PKD1L1: variants seen among roughly 807,000 people sequenced by gnomAD.
PKD1L1 encodes the protein polycystin-1-like protein 1.
A neutral mutation model predicts 323.4 loss-of-function variants in PKD1L1; 236 were observed. That is an observed-to-expected ratio of 0.73 (90% confidence interval 0.66 to 0.81). The LOEUF (loss-of-function observed/expected upper bound fraction) is 0.81. Ranked by LOEUF, PKD1L1 falls within the 40% of genes least tolerant of loss-of-function variation. PKD1L1 has a pLI of 0.00. For missense variants in PKD1L1, 3,320 were observed against 3,508.0 expected, an observed-to-expected ratio of 0.95 and a Z score of 1.35; for synonymous variants, 1,344 against 1,335.0, an observed-to-expected ratio of 1.01 and a Z score of -0.15.
At chr7:47,905,426 G>A in intron 10 of PKD1L1, 101 bp from the exon 11 acceptor site, 2 of 1,297,092 alleles carry the variant, frequency 1.5e-6, no homozygotes, top group Non-Finnish European at 2.1e-6. Context: ...ATGGGCTTGA[G>A]TGATGGTGAG....
intron 7 of PKD1L1, among the ~76,000 whole-genome samples, chr7:47,928,282 C>CG (rs932645189): frequency 5.3e-5 from 8 of 151,992 alleles, no homozygotes; most frequent in Admixed American, 6.6e-5. Flanking sequence ...AACAAAAGGC[C>CG]GGGGGGGAAG....
chr7:47,954,674 G>A, the PKD1L1 span, among the ~76,000 whole-genome samples: 2 of 152,146 alleles, frequency 1.3e-5, no homozygotes, highest in African/African-American at 4.8e-5. Flanking sequence ...GACTAAGACC[G>A]CTTATAAATG....
At chr7:47,834,253 C>T in intron 40 of PKD1L1, 86 bp downstream of exon 40, 2 of 1,377,460 alleles carry the variant, frequency 1.5e-6, no homozygotes, top group Non-Finnish European at 2.0e-6. Flanking sequence ...CATGGCCAGA[C>T]CATAGCCAAG....
chr7:47,839,755 G>A lies in PKD1L1; in HGVS notation c.5553-93C>T. 1.6e-6 allele frequency: 2 copies of A among 1,214,976 alleles called. No homozygotes were observed. The highest frequency in any genetic ancestry group is 2.3e-6 in the Non-Finnish European group (2 of 860,232). 75.3% of individuals were successfully genotyped at this position (1,214,976 alleles called of 1,614,324 possible). A position where few individuals can be genotyped will look rare whatever the true frequency, so the allele number is the denominator to read the frequency against. On this transcript the variant is annotated intron_variant, in intron 35 of 56. Coordinates refer to ENST00000289672, the MANE Select transcript of PKD1L1 (RefSeq NM_138295.5). The surrounding 1 kb of genome is among the most constrained non-coding windows in gnomAD (Gnocchi z 4.3). ...CAATGCTCACCCTCAAGGCACTGAT[G>A]GCCCACAGAGGGTGGATGGGACATG...
chr7:47,879,698 C>T (rs898966945), intron 21 of PKD1L1, among the ~76,000 whole-genome samples: 26 of 145,428 alleles, frequency 1.8e-4, no homozygotes, highest in Non-Finnish European at 3.7e-4. Context: ...CTTTGGGAGG[C>T]TGAGACGGGC....
chr7:47,830,983 G>A (rs1785336943), intron 42 of PKD1L1, among the ~76,000 whole-genome samples: 1 of 152,158 alleles, frequency 6.6e-6, no homozygotes, highest in Non-Finnish European at 1.5e-5. Flanking sequence ...TTTAATATCT[G>A]GACCCCATCC....
intron 7 of PKD1L1, among the ~76,000 whole-genome samples, chr7:47,923,368 C>G (rs575892923): frequency 1.7e-3 from 255 of 145,874 alleles, no homozygotes; most frequent in Non-Finnish European, 2.7e-3. Context: ...ACACAATGGA[C>G]TTTGGGGACT....
chr7:47,813,223 T>C lies in PKD1L1; in HGVS notation c.7244A>G (p.Glu2415Gly). 6.2e-7 allele frequency: 1 copy of C among 1,614,208 alleles called. No homozygotes were observed. The highest frequency in any genetic ancestry group is 8.5e-7 in the Non-Finnish European group (1 of 1,180,030). The change falls in exon 49 of 57, where the codon GAG becomes GGG. Residue 2415 changes from glutamate to glycine, a missense_variant. Glu to Gly is a moderately conservative substitution (Grantham distance 98). Coordinates refer to ENST00000289672, the MANE Select transcript of PKD1L1 (RefSeq NM_138295.5). Reference protein sequence around the residue: ...PTCSPEVGGPENPYLIDPENQ... With the variant: ...PTCSPEVGGPGNPYLIDPENQ... ...CTCTGGGTCTATCAGGTAGGGGTTC[T>C]CAGGGCCTCCAACTTCGGGACTACA...
Position 47,885,995 on chromosome 7 carries a change from A to T in PKD1L1, c.2896T>A (p.Ser966Thr). 6.2e-7 allele frequency: 1 copy of T among 1,613,978 alleles called. No individual in the cohort carries two copies. The highest frequency in any genetic ancestry group is 8.5e-7 in the Non-Finnish European group (1 of 1,179,998). The change falls in exon 18 of 57, where the codon TCA (serine) becomes ACA (threonine). Residue 966 changes from serine (S) to threonine (T), a missense_variant. Ser to Thr is a moderately conservative substitution (Grantham distance 58). Transcript: ENST00000289672. ...GTGGGCAGCAGGTTTAACTGTGATGACTCTGAAATGGCACCGAGTCCCAGC... is the reference window on the plus strand; with the variant it reads ...GTGGGCAGCAGGTTTAACTGTGATGTCTCTGAAATGGCACCGAGTCCCAGC... ...GSLGLGAISESSQLNLLPTEP... is the reference protein window; with the variant it reads ...GSLGLGAISETSQLNLLPTEP...
intron 16 of PKD1L1, among the ~76,000 whole-genome samples, chr7:47,888,671 C>A (rs1444730428): frequency 6.6e-6 from 1 of 152,338 alleles, no homozygotes; most frequent in Non-Finnish European, 1.5e-5. Context: ...CTGCCTCGGC[C>A]CCGCCTCTTC....
At position 47,877,417 on chromosome 7, in the gene PKD1L1, C is replaced by A; in HGVS notation, c.3663+72G>T. On this transcript the variant is annotated intron_variant, in intron 22 of 56. Coordinates refer to ENST00000289672, the MANE Select transcript of PKD1L1 (RefSeq NM_138295.5). Reference sequence around the variant, plus strand: ...GACATTGCTGTCCATTCCTACAGCACCCGTGACTGCTGTGACTGCCAGATG... The same window carrying A: ...GACATTGCTGTCCATTCCTACAGCAACCGTGACTGCTGTGACTGCCAGATG... The A allele has an allele frequency of 1.9e-6, 3 of 1,572,658 alleles. No individual in the cohort carries two copies. In the South Asian group the frequency reaches 3.5e-5, roughly 18 times the overall value.
At chr7:47,783,233 T>C (rs979168344) in intron 56 of PKD1L1, among the ~76,000 whole-genome samples, 2 of 152,190 alleles carry the variant, frequency 1.3e-5, no homozygotes, top group African/African-American at 2.4e-5. Flanking sequence ...TTTTCCACAG[T>C]CAAATACTCA....
Position 47,880,739 on chromosome 7 carries a change from T to G in PKD1L1, c.3509A>C (p.Gln1170Pro). ...SLSSGETYVL[Q>P]VSVASKHGLL... is the part of the protein sequence containing the mutation. ...ACAATGTAACATACCCACAGACACT[T>G]GCAGGACGTACGTCTCTCCACTGCT... is the stretch of plus-strand genomic sequence containing the variant. Residue 1170 changes from glutamine (Q) to proline (P), a missense_variant, in exon 21 of 57, where the codon CAA (glutamine) becomes CCA (proline). By Grantham distance (76) the Gln-to-Pro change is moderately conservative. Coordinates refer to ENST00000289672, the MANE Select transcript of PKD1L1 (RefSeq NM_138295.5). 6.2e-7 allele frequency: 1 copy of G among 1,606,080 alleles called. No homozygotes were observed. Among genetic ancestry groups the G allele is most frequent in the Non-Finnish European group, 8.5e-7 (1 of 1,175,066 alleles).
intron 21 of PKD1L1, among the ~76,000 whole-genome samples, chr7:47,878,992 T>C (rs1313922960): frequency 6.6e-6 from 1 of 152,214 alleles, no homozygotes; most frequent in African/African-American, 2.4e-5. Flanking sequence ...GACTTGTCAC[T>C]TGGGCAAATT....
chr7:47,918,094 C>T (rs919501057), intron 7 of PKD1L1, among the ~76,000 whole-genome samples: 2 of 152,058 alleles, frequency 1.3e-5, no homozygotes, highest in African/African-American at 4.8e-5. Flanking sequence ...AGGAGACTCA[C>T]CTAACACATA....
At chr7:47,877,332 T>A (rs1167193115) in intron 22 of PKD1L1, among the ~76,000 whole-genome samples, 157 bp downstream of exon 22, 2 of 152,188 alleles carry the variant, frequency 1.3e-5, no homozygotes, top group African/African-American at 4.8e-5. Flanking sequence ...GGAAGCCCAT[T>A]CATGCCTAAC....
intron 11 of PKD1L1, 80 bp downstream of exon 11, chr7:47,905,077 G>C: frequency 3.4e-6 from 5 of 1,475,758 alleles, no homozygotes; most frequent in Non-Finnish European, 4.6e-6. Context: ...AAATGCCTTC[G>C]GTAGCAGCAT....
chr7:47,897,440 C>T (rs1008931208), intron 14 of PKD1L1, among the ~76,000 whole-genome samples: 10 of 152,236 alleles, frequency 6.6e-5, no homozygotes, highest in African/African-American at 2.2e-4. Context: ...CCCTCCCAAT[C>T]CCTTTCTATG....
chr7:47,947,421 A>G (rs991169136), intron 1 of PKD1L1, among the ~76,000 whole-genome samples: 1 of 152,194 alleles, frequency 6.6e-6, no homozygotes, highest in African/African-American at 2.4e-5. Flanking sequence ...GTGGCGGGGT[A>G]CCCCACTGGG....
Sources: gnomAD v4.1 joint callset for allele counts (sites outside exome capture counted in the v4.1 genomes callset) on GRCh38, gnomAD v4.1.1 for gene constraint, Gnocchi (gnomAD v3.1) non-coding constraint, MANE v1.5 for transcripts, NCBI Gene and HGNC (gene_info 2026-07-23, HGNC 2026-07-21) for gene names.